The following FYB1 variants were observed in gnomAD, a reference collection of about 807,000 sequenced individuals.
FYB1 encodes FYN binding protein 1, also known as FYN-binding protein 1.
In FYB1, 41 loss-of-function variants were observed where a neutral mutation model predicts 94.1. The ratio of observed to expected loss-of-function variants is 0.44; its 90% CI spans 0.34 to 0.57. FYB1 has a LOEUF of 0.57. FYB1 is among the 20% of genes least tolerant of loss of function. The probability of loss-of-function intolerance (pLI) is 0.02; values close to 1 mark genes in which losing one functional copy is unlikely to be tolerated. For synonymous variants in FYB1, 367 were observed against 353.2 expected, an observed-to-expected ratio of 1.04 and a Z score of -0.44; for missense variants, 1,050 against 976.8, an observed-to-expected ratio of 1.07 and a Z score of -1.00.
Position 39,185,615 on chromosome 5 carries a change from T to TATATAC in FYB1, c.1135+16210_1135+16211insGTATAT, listed in dbSNP as rs1554034807. On this transcript the variant is annotated intron_variant, in intron 2 of 18. Transcript: ENST00000512982. ...ATATATACATATATATACACATATA[T>TATATAC]ATATATACACACATATATATATATA... Among the ~76,000 whole-genome samples the TATATAC allele has an allele frequency of 3.2e-3, 455 of 141,546 alleles. 3 individuals are homozygous for TATATAC. Among genetic ancestry groups the TATATAC allele is most frequent in the African/African-American group, 0.013 (442 of 34,814 alleles). 92.9% of individuals were successfully genotyped at this position (141,546 alleles called of 152,430 possible). A position where few individuals can be genotyped will look rare whatever the true frequency, so the allele number is the denominator to read the frequency against.
At chr5:39,205,969 T>A (rs1199130671) in intron 1 of FYB1, among the ~76,000 whole-genome samples, 1 of 152,266 alleles carries the variant, frequency 6.6e-6, no homozygotes, top group Non-Finnish European at 1.5e-5. Flanking sequence ...GTAATAATTA[T>A]CTGCCATCTC....
At chr5:39,266,477 C>T (rs1235235528) in intron 1 of FYB1, among the ~76,000 whole-genome samples, 3 of 152,154 alleles carry the variant, frequency 2.0e-5, no homozygotes, top group African/African-American at 4.8e-5. Context: ...ACACCAAGTG[C>T]CTTTGTGCTT....
intron 1 of FYB1, among the ~76,000 whole-genome samples, chr5:39,203,474 A>C (rs1303986696): frequency 6.6e-6 from 1 of 152,070 alleles, no homozygotes; most frequent in Non-Finnish European, 1.5e-5. Flanking sequence ...TTTAACATAC[A>C]TCTCTGTGGT....
At chr5:39,256,254 GT>G (rs771134261) in intron 1 of FYB1, among the ~76,000 whole-genome samples, 1 of 152,196 alleles carries the variant, frequency 6.6e-6, no homozygotes, top group Non-Finnish European at 1.5e-5. Flanking sequence ...GGAGAAACCA[GT>G]ATTCACAGTG....
chr5:39,232,641 T>G (rs1314265971), intron 1 of FYB1, among the ~76,000 whole-genome samples: 1 of 151,874 alleles, frequency 6.6e-6, no homozygotes. Context: ...TATGTATACA[T>G]GTGCCATGCT....
At chr5:39,247,144 C>T (rs1444584365) in intron 1 of FYB1, among the ~76,000 whole-genome samples, 2 of 119,898 alleles carry the variant, frequency 1.7e-5, no homozygotes, top group Admixed American at 1.8e-4. Context: ...AAATGAATAG[C>T]TTTTCTTTCT....
At chr5:39,258,594 T>C (rs1305167744) in intron 1 of FYB1, among the ~76,000 whole-genome samples, 3 of 151,902 alleles carry the variant, frequency 2.0e-5, no homozygotes, top group African/African-American at 7.3e-5. Flanking sequence ...AGCAAGACCC[T>C]GTGTCAAAAA....
intron 2 of FYB1, among the ~76,000 whole-genome samples, chr5:39,199,096 G>A (rs916350972): frequency 5.4e-4 from 81 of 151,218 alleles, no homozygotes; most frequent in Non-Finnish European, 7.5e-4. Context: ...TTATGTATAC[G>A]TATATGTATA....
At chr5:39,236,883 A>G (rs1394238025) in intron 1 of FYB1, among the ~76,000 whole-genome samples, 1 of 152,108 alleles carries the variant, frequency 6.6e-6, no homozygotes, top group Non-Finnish European at 1.5e-5. Context: ...GGTTGCTATG[A>G]AGACTGGCAC....
intron 2 of FYB1, among the ~76,000 whole-genome samples, chr5:39,180,757 A>G (rs1004165728): frequency 7.2e-5 from 11 of 152,208 alleles, no homozygotes; most frequent in East Asian, 1.9e-4. Flanking sequence ...ACTTGAGAGG[A>G]GGCCATCTAC....
intron 1 of FYB1, among the ~76,000 whole-genome samples, chr5:39,271,075 G>A (rs1234505120): frequency 2.0e-5 from 3 of 151,290 alleles, no homozygotes; most frequent in African/African-American, 7.3e-5. Context: ...TTTCTATCTT[G>A]GGTATATAGC....
At chr5:39,129,140 C>T (rs1403607971) in intron 10 of FYB1, among the ~76,000 whole-genome samples, 1 of 151,758 alleles carries the variant, frequency 6.6e-6, no homozygotes, top group East Asian at 1.9e-4. Flanking sequence ...AAAACAGAAC[C>T]CAGAAATAAA....
rs566344892 is a variant in FYB1 at position 39,264,429 on chromosome 5, C to G, written c.-28+9974G>C. Among the ~76,000 whole-genome samples, 7 of 152,272 alleles carry G rather than the reference C, an allele frequency of 4.6e-5. No individual in the cohort carries two copies. The East Asian group carries it at 1.4e-3, about 29-fold the overall frequency. On this transcript the variant is annotated intron_variant, in intron 1 of 1. Coordinates refer to the FYB1 transcript ENST00000510188. ...AAATTTCTGTTGTTTACGAGCTACCCAGTCTAAGGTGTTTTGCTATGGCAG... is the reference window on the plus strand; with the variant it reads ...AAATTTCTGTTGTTTACGAGCTACCGAGTCTAAGGTGTTTTGCTATGGCAG...
At chr5:39,143,894 G>A (rs991169322) in intron 3 of FYB1, among the ~76,000 whole-genome samples, 16 of 152,112 alleles carry the variant, frequency 1.1e-4, no homozygotes, top group African/African-American at 3.9e-4. Flanking sequence ...TTCTATTTGG[G>A]TAAGTGTAAA....
intron 8 of FYB1, 144 bp downstream of exon 8, chr5:39,134,711 C>G: frequency 1.3e-6 from 1 of 762,912 alleles, no homozygotes; most frequent in Non-Finnish European, 2.1e-6. Flanking sequence ...CGGAACTATA[C>G]CTGCCATTTA....
At chr5:39,137,180 A>G (rs190168389) in intron 7 of FYB1, among the ~76,000 whole-genome samples, 63 of 152,298 alleles carry the variant, frequency 4.1e-4, no homozygotes, top group Non-Finnish European at 5.9e-4. Flanking sequence ...TGGAAATCTT[A>G]TTCTGAGACA....
chr5:39,136,100 C>G (rs889989277), intron 7 of FYB1, among the ~76,000 whole-genome samples: 1 of 151,914 alleles, frequency 6.6e-6, no homozygotes, highest in African/African-American at 2.4e-5. Flanking sequence ...GATGGAGTCT[C>G]GCTCTGTTGC....
At chr5:39,145,408 C>T (rs1407994949) in intron 3 of FYB1, among the ~76,000 whole-genome samples, 1 of 151,930 alleles carries the variant, frequency 6.6e-6, no homozygotes, top group Non-Finnish European at 1.5e-5. Flanking sequence ...TTTCATTAAC[C>T]ACATTTATAA....
At chr5:39,144,013 A>C (rs1336381208) in intron 3 of FYB1, among the ~76,000 whole-genome samples, 2 of 152,236 alleles carry the variant, frequency 1.3e-5, no homozygotes, top group Non-Finnish European at 2.9e-5. Context: ...ATGATGGAAT[A>C]AGCCAAACTC....
Sources: allele counts gnomAD v4.1 joint callset (sites outside exome capture counted in the v4.1 genomes callset), GRCh38; gene constraint gnomAD v4.1.1; transcripts MANE v1.5; gene names NCBI Gene and HGNC (gene_info 2026-07-23, HGNC 2026-07-21).